Variants in STK32B observed in about 807,000 individuals in gnomAD.
STK32B encodes serine/threonine-protein kinase 32B.
In STK32B, 43 loss-of-function variants were observed where a neutral mutation model predicts 52.6. That is an observed-to-expected ratio of 0.82 (90% confidence interval 0.64 to 1.05). The LOEUF is 1.05. Ranked by LOEUF, STK32B falls within the 50% of genes least tolerant of loss-of-function variation. The pLI, the probability that STK32B is intolerant of heterozygous loss-of-function variation, is 0.00. For synonymous variants in STK32B, 238 were observed against 204.3 expected (o/e 1.17, Z -1.41); for missense variants, 621 against 534.6 (o/e 1.16, Z -1.59).
chr4:5,376,900 C>T (rs867981620), intron 4 of STK32B, among the ~76,000 whole-genome samples: 1 of 152,184 alleles, frequency 6.6e-6, no homozygotes, highest in Non-Finnish European at 1.5e-5. Context: ...CCATACCCAC[C>T]TGCTCTCCTG....
chr4:5,423,176 C>G (rs142466118), intron 6 of STK32B, among the ~76,000 whole-genome samples: 1 of 152,008 alleles, frequency 6.6e-6, no homozygotes, highest in East Asian at 1.9e-4. Flanking sequence ...TTGGAGAAAC[C>G]GATGAGTAAC....
intron 3 of STK32B, among the ~76,000 whole-genome samples, chr4:5,261,388 T>C (rs546302569): frequency 6.6e-6 from 1 of 152,320 alleles, no homozygotes; most frequent in African/African-American, 2.4e-5. Flanking sequence ...GAAGCTATTG[T>C]GTCAGTCTAG....
chr4:5,180,746 C>T (rs992875513), intron 3 of STK32B, among the ~76,000 whole-genome samples: 1 of 152,182 alleles, frequency 6.6e-6, no homozygotes, highest in Non-Finnish European at 1.5e-5. Context: ...CCTGACTGTA[C>T]ACCTTCTCGT....
At chr4:5,463,286 C>G (rs1177470959) in intron 9 of STK32B, among the ~76,000 whole-genome samples, 2 of 152,158 alleles carry the variant, frequency 1.3e-5, no homozygotes, top group Non-Finnish European at 2.9e-5. Flanking sequence ...AGCACTTCCT[C>G]GAGTGCTGTC....
At position 5,249,461 on chromosome 4, in the gene STK32B, T is replaced by A. The variant is rs1018730326; in HGVS notation, c.260+81011T>A. Among the ~76,000 whole-genome samples the A allele has an allele frequency of 7.4e-4, 69 of 93,666 alleles. 1 individual carries two copies. The highest frequency in any genetic ancestry group is 2.6e-3 in the African/African-American group (48 of 18,440). 61.4% of individuals were successfully genotyped at this position (93,666 alleles called of 152,430 possible). On this transcript the variant is annotated intron_variant, in intron 3 of 11. Coordinates refer to ENST00000282908, the MANE Select transcript of STK32B (RefSeq NM_018401.3). ...TACCTACCTTCCTTCCTTCCTTCCTTCCTTCCTTCCTTCCTTCCTTCCTTC... is the reference window on the plus strand; with the variant it reads ...TACCTACCTTCCTTCCTTCCTTCCTACCTTCCTTCCTTCCTTCCTTCCTTC...
chr4:5,096,388 A>T (rs1235254859), intron 1 of STK32B, among the ~76,000 whole-genome samples: 2 of 152,188 alleles, frequency 1.3e-5, no homozygotes, highest in Non-Finnish European at 2.9e-5. Context: ...CACGTGGTCA[A>T]CATTTCTGCA....
Position 5,460,503 on chromosome 4 carries a change from G to A in STK32B, c.909+275G>A, listed in dbSNP as rs759906606. On this transcript the variant is annotated intron_variant, in intron 9 of 11. Coordinates refer to ENST00000282908, the MANE Select transcript of STK32B (RefSeq NM_018401.3). The surrounding 1 kb of genome is among the most constrained non-coding windows in gnomAD (Gnocchi z 4.8). ...TCCAGGTGCTCAGGTCCAGGTGTGG[G>A]GATAGCAGGCTGATCTACCCTTCTG... is the stretch of plus-strand genomic sequence containing the variant. Among the ~76,000 whole-genome samples the A allele has an allele frequency of 2.6e-5, 4 of 152,162 alleles. No homozygotes were observed. The highest frequency in any genetic ancestry group is 7.2e-5 in the African/African-American group (3 of 41,430).
At position 5,495,580 on chromosome 4, in the gene STK32B, A is replaced by G. The variant is rs150497987; in HGVS notation, c.1107-3365A>G. 7.9e-5 allele frequency among the ~76,000 whole-genome samples: 12 copies of G among 152,250 alleles called. No homozygotes were observed. In the East Asian group the frequency reaches 9.7e-4, roughly 12 times the overall value. On this transcript the variant is annotated intron_variant, in intron 11 of 11. Transcript: ENST00000282908. ...TGAAGCCTTCTTCTCTCAACTCGTCAAAGTCATTCTCCCTCCAGCTTTGTT... is the reference window on the plus strand; with the variant it reads ...TGAAGCCTTCTTCTCTCAACTCGTCGAAGTCATTCTCCCTCCAGCTTTGTT...
At chr4:5,186,730 C>G (rs1307183598) in intron 3 of STK32B, among the ~76,000 whole-genome samples, 3 of 152,294 alleles carry the variant, frequency 2.0e-5, no homozygotes, top group East Asian at 3.9e-4. Context: ...CTCGACATAC[C>G]CATCCCCATG....
chr4:5,367,250 C>A (rs1734936776), intron 4 of STK32B, among the ~76,000 whole-genome samples: 1 of 152,076 alleles, frequency 6.6e-6, no homozygotes, highest in South Asian at 2.1e-4. Flanking sequence ...TTTGGAAATA[C>A]CACAGGGCAG....
At chr4:5,139,836 A>G in intron 1 of STK32B, 69 bp from the exon 2 acceptor site, 2 of 1,579,662 alleles carry the variant, frequency 1.3e-6, no homozygotes, top group Non-Finnish European at 8.7e-7. Flanking sequence ...GTACATAGGT[A>G]AGGATATTCA....
intron 7 of STK32B, among the ~76,000 whole-genome samples, chr4:5,448,073 T>C (rs1715633098): frequency 6.6e-6 from 1 of 152,224 alleles, no homozygotes; most frequent in African/African-American, 2.4e-5. Flanking sequence ...GAATGAGTGA[T>C]GAGAGCAGTT....
At chr4:5,424,497 A>G (rs2654506) in intron 6 of STK32B, among the ~76,000 whole-genome samples, 102,497 of 152,042 alleles carry the variant, frequency 0.67, 34,921 homozygotes, top group Middle Eastern at 0.81. Context: ...TAAAAACCCC[A>G]AACTGAGCCA....
At chr4:5,226,303 C>A (rs184348315) in intron 3 of STK32B, among the ~76,000 whole-genome samples, 185 of 152,258 alleles carry the variant, frequency 1.2e-3, no homozygotes, top group Middle Eastern at 3.4e-3. Context: ...TTTCAGTATG[C>A]AGTCATTGTA....
At chr4:5,448,347 T>G (rs1010364519) in intron 7 of STK32B, among the ~76,000 whole-genome samples, 5 of 152,202 alleles carry the variant, frequency 3.3e-5, no homozygotes, top group Admixed American at 6.5e-5. Context: ...TCGTTTCCTG[T>G]TAGCTGTTTC....
At chr4:5,026,765 G>A in the STK32B span, among the ~76,000 whole-genome samples, 1 of 152,142 alleles carries the variant, frequency 6.6e-6, no homozygotes, top group Non-Finnish European at 1.5e-5. Context: ...TTCCCATCCT[G>A]TGCCCACTTG....
chr4:5,397,562 A>G (rs1736999880), intron 4 of STK32B, among the ~76,000 whole-genome samples: 1 of 152,242 alleles, frequency 6.6e-6, no homozygotes, highest in African/African-American at 2.4e-5. Context: ...GAGGTCAGCA[A>G]ACTTTCTCCA....
At chr4:5,235,751 C>A (rs1724588378) in intron 3 of STK32B, among the ~76,000 whole-genome samples, 1 of 152,212 alleles carries the variant, frequency 6.6e-6, no homozygotes. Flanking sequence ...TTGAACCCAG[C>A]AGCACTTCAG....
rs1737061471 is a variant in STK32B, at chr4:5,398,396, G to T, written c.472+152G>T. 2 of 805,192 alleles carry T rather than the reference G, an allele frequency of 2.5e-6. No homozygotes were observed. Among genetic ancestry groups the T allele is most frequent in the Non-Finnish European group, 4.0e-6 (2 of 505,896 alleles). The allele number at this position is 805,192 out of a possible 1,614,324, so 49.9% of individuals were successfully genotyped here. ...TTTCAATCCTGGTGGATCAACATCT[G>T]TGTAAATTTCTGGTCCATGTCCTGC... On this transcript the variant is annotated intron_variant, in intron 5 of 11. Transcript: ENST00000282908. The surrounding 1 kb of genome is among the most constrained non-coding windows in gnomAD (Gnocchi z 4.9).
Sources: allele counts gnomAD v4.1 joint callset (sites outside exome capture counted in the v4.1 genomes callset), GRCh38; gene constraint gnomAD v4.1.1; non-coding constraint Gnocchi (gnomAD v3.1); transcripts MANE v1.5; gene names NCBI Gene and HGNC (gene_info 2026-07-23, HGNC 2026-07-21).